WDHD1: variants seen among roughly 807,000 people sequenced by gnomAD.
The protein encoded by WDHD1 is WD repeat and HMG-box DNA binding protein 1.
A neutral mutation model predicts 135.4 loss-of-function variants in WDHD1; 111 were observed. The observed-to-expected ratio is 0.82, with a 90% confidence interval of 0.70 to 0.96. The LOEUF (loss-of-function observed/expected upper bound fraction) is 0.96. Ranked by LOEUF, WDHD1 falls within the 40% of genes least tolerant of loss-of-function variation. The probability of loss-of-function intolerance (pLI) is 0.00; values close to 1 mark genes in which losing one functional copy is unlikely to be tolerated. For synonymous variants in WDHD1, 434 were observed against 439.0 expected (o/e 0.99, Z 0.14); for missense variants, 1,351 against 1,336.3 (o/e 1.01, Z -0.17).
intron 22 of WDHD1, 100 bp from the exon 23 acceptor site, chr14:54,957,304 C>T (rs1398226000): frequency 1.6e-6 from 2 of 1,286,996 alleles, no homozygotes; most frequent in African/African-American, 1.5e-5. Flanking sequence ...TTTGTATTGC[C>T]ATCTCATCTT....
chr14:54,963,786 C>T (rs144374145), intron 18 of WDHD1, among the ~76,000 whole-genome samples: 2,148 of 125,576 alleles, frequency 0.017, 44 homozygotes, highest in African/African-American at 0.051. Flanking sequence ...GGCGAGAAAG[C>T]GAGACTCTGT....
intron 21 of WDHD1, 88 bp from the exon 22 acceptor site, chr14:54,957,723 C>G (rs771716229): frequency 5.5e-6 from 6 of 1,086,108 alleles, no homozygotes; most frequent in Non-Finnish European, 8.0e-6. Context: ...ATTTTAATCC[C>G]CATTAAATGA....
intron 3 of WDHD1, among the ~76,000 whole-genome samples, chr14:55,012,235 T>C (rs1443675486): frequency 2.0e-5 from 3 of 152,218 alleles, no homozygotes; most frequent in South Asian, 2.1e-4. Context: ...TAATTATATA[T>C]GATCATTTTA....
intron 12 of WDHD1, 74 bp from the exon 13 acceptor site, chr14:54,989,286 A>C (rs1031629673): frequency 1.3e-5 from 13 of 1,012,256 alleles, no homozygotes; most frequent in African/African-American, 8.3e-5. Flanking sequence ...ACAGTAGTAC[A>C]AATTAACAAA....
intron 3 of WDHD1, 147 bp from the exon 4 acceptor site, chr14:55,010,607 T>A (rs193237690): frequency 2.5e-5 from 18 of 716,584 alleles, no homozygotes; most frequent in Non-Finnish European, 2.0e-6. Context: ...TGTACAACTT[T>A]GCTGGAATGT....
chr14:55,014,538 A>T (rs1407742408), intron 2 of WDHD1, among the ~76,000 whole-genome samples: 1 of 152,214 alleles, frequency 6.6e-6, no homozygotes, highest in Non-Finnish European at 1.5e-5. Context: ...TTGTTGAATT[A>T]ATAAATGAAT....
At chr14:54,943,397 A>G (rs2040868815) in intron 25 of WDHD1, among the ~76,000 whole-genome samples, 1 of 152,074 alleles carries the variant, frequency 6.6e-6, no homozygotes, top group South Asian at 2.1e-4. Flanking sequence ...TTTACTTATT[A>G]ATTTTTTTCC....
At chr14:54,980,821 A>AAAAAAC (rs1566724218) in intron 16 of WDHD1, among the ~76,000 whole-genome samples, 7 of 148,622 alleles carry the variant, frequency 4.7e-5, no homozygotes, top group Non-Finnish European at 4.5e-5. Flanking sequence ...AAAAAAAAAA[A>AAAAAAC]AAAACTCAGC....
chr14:54,995,252 A>G (rs1017129271), intron 11 of WDHD1, among the ~76,000 whole-genome samples: 3 of 152,166 alleles, frequency 2.0e-5, no homozygotes, highest in African/African-American at 7.2e-5. Flanking sequence ...AAGTGCTGGG[A>G]TTATAGACGT....
chr14:54,960,100 T>C (rs2041226899), intron 21 of WDHD1, among the ~76,000 whole-genome samples: 1 of 152,222 alleles, frequency 6.6e-6, no homozygotes, highest in Non-Finnish European at 1.5e-5. Flanking sequence ...CCATTCTTTC[T>C]AACATCACCA....
chr14:55,007,249 A>AG, intron 7 of WDHD1, 31 bp downstream of exon 7: 1 of 1,410,000 alleles, frequency 7.1e-7, no homozygotes, highest in Non-Finnish European at 9.6e-7. Flanking sequence ...AAAAAAAAAA[A>AG]GAAAAGAAAA....
At chr14:55,000,722 T>C in intron 9 of WDHD1, 78 bp from the exon 10 acceptor site, 1 of 1,231,266 alleles carries the variant, frequency 8.1e-7, no homozygotes, top group Non-Finnish European at 1.1e-6. Context: ...AAATTTTAGT[T>C]AGGAAAGAAT....
intron 24 of WDHD1, among the ~76,000 whole-genome samples, chr14:54,948,812 AG>A (rs2140150854): frequency 6.6e-6 from 1 of 152,320 alleles, no homozygotes; most frequent in African/African-American, 2.4e-5. Context: ...CGAGGCTTCC[AG>A]AGGAATGACC....
intron 17 of WDHD1, 77 bp downstream of exon 17, chr14:54,967,203 C>G (rs2041358811): frequency 2.6e-6 from 3 of 1,151,526 alleles, no homozygotes; most frequent in African/African-American, 3.1e-5. Context: ...TACTGGCCAT[C>G]AGGATAATTT....
intron 2 of WDHD1, among the ~76,000 whole-genome samples, chr14:55,025,568 C>T (rs2042422791): frequency 6.6e-6 from 1 of 152,336 alleles, no homozygotes; most frequent in Non-Finnish European, 1.5e-5. Context: ...TCCAATTCAT[C>T]CTCCATGCAT....
chr14:54,955,895 CTT>C (rs71131243), intron 23 of WDHD1, among the ~76,000 whole-genome samples: 9 of 110,064 alleles, frequency 8.2e-5, no homozygotes, highest in Admixed American at 2.1e-4. Context: ...CCATGTTTTC[CTT>C]TTTTTTTTTT....
At chr14:54,962,661 T>A in intron 20 of WDHD1, 77 bp downstream of exon 20, 3 of 1,560,736 alleles carry the variant, frequency 1.9e-6, no homozygotes, top group Non-Finnish European at 1.8e-6. Context: ...GTATTCAATT[T>A]CCCTCAGTTA....
At chr14:54,993,827 T>G (rs1002836071) in intron 11 of WDHD1, among the ~76,000 whole-genome samples, 2 of 152,210 alleles carry the variant, frequency 1.3e-5, no homozygotes, top group Non-Finnish European at 2.9e-5. Context: ...AATAAATATT[T>G]TTAAATTTCT....
chr14:54,995,722 T>C lies in WDHD1; in HGVS notation c.1034A>G (p.Glu345Gly), dbSNP rs1160262175. ...AGDFLNDNAV[E>G]IPSFSKGIIN... ...AATCCCTTTTGAAAAAGAAGGGATC[T>C]CAACTGCATTGTCATTTAGAAAATC... Residue 345 changes from glutamate (E) to glycine (G), a missense_variant, in exon 11 of 26, where the codon GAG becomes GGG. By Grantham distance (98) the Glu-to-Gly change is moderately conservative. Around this residue, in one of 2 missense-constraint regions of WDHD1, gnomAD observed 1,330 missense variants for 1,296.1 expected, o/e 1.03. Transcript: ENST00000360586. 2 of 1,613,620 alleles carry C rather than the reference T, an allele frequency of 1.2e-6. No homozygotes were observed. The highest frequency in any genetic ancestry group is 1.7e-6 in the Non-Finnish European group (2 of 1,179,796).
Sources: gnomAD v4.1 joint callset for allele counts (sites outside exome capture counted in the v4.1 genomes callset) on GRCh38, gnomAD v4.1.1 for gene constraint, gnomAD v4.1.1 regional missense constraint, MANE v1.5 for transcripts, NCBI Gene and HGNC (gene_info 2026-07-23, HGNC 2026-07-21) for gene names.